FUNDC2: variants seen among roughly 807,000 people sequenced by gnomAD.
FUNDC2 encodes the protein FUN14 domain containing 2.
A neutral mutation model predicts 15.6 loss-of-function variants in FUNDC2; 4 were observed. The ratio of observed to expected loss-of-function variants is 0.26; its 90% confidence interval spans 0.13 to 0.59. The LOEUF (loss-of-function observed/expected upper bound fraction) is 0.59. Ranked by LOEUF, FUNDC2 falls within the 20% of genes least tolerant of loss-of-function variation. The pLI, the probability that FUNDC2 is intolerant of heterozygous loss-of-function variation, is 0.90. For missense variants in FUNDC2, 98 were observed against 149.7 expected (o/e 0.65, Z 1.80); for synonymous variants, 44 against 56.9 (o/e 0.77, Z 1.02).
Position 155,056,027 on chromosome X carries a change from C to G in FUNDC2, c.*1355C>G, listed in dbSNP as rs190834311. The G allele has an allele frequency of 8.9e-6, 1 of 112,200 alleles. No individual in the cohort carries two copies. Among genetic ancestry groups the G allele is most frequent in the African/African-American group, 3.2e-5 (1 of 30,902 alleles). The allele number at this position is 112,200 out of a possible 1,213,427, so 9.2% of individuals were successfully genotyped here. A position where few individuals can be genotyped will look rare whatever the true frequency, so the allele number is the denominator to read the frequency against. On this transcript the variant is annotated 3_prime_UTR_variant, in exon 5 of 5. Coordinates refer to ENST00000369498, the MANE Select transcript of FUNDC2 (RefSeq NM_023934.4). ...GAAACCACCTATTTGCGTTTTTCTC[C>G]TTACATTTAAGGAAACATAAGCCAT...
At chrX:155,044,703 A>T (rs1402823771) in intron 2 of FUNDC2, among the ~76,000 whole-genome samples, 1 of 112,318 alleles carries the variant, frequency 8.9e-6, no homozygotes, top group African/African-American at 3.2e-5. Flanking sequence ...TCAAAAAGAC[A>T]AGAGATAATT....
intron 2 of FUNDC2, among the ~76,000 whole-genome samples, chrX:155,044,608 AG>A (rs2073856787): frequency 8.9e-6 from 1 of 112,352 alleles, no homozygotes; most frequent in African/African-American, 3.2e-5. Context: ...GTATATGAAA[AG>A]ATGCTTAGCA....
At chrX:155,049,837 T>G (rs1368916260) in intron 3 of FUNDC2, 2 of 112,715 alleles carry the variant, frequency 1.8e-5, no homozygotes, top group African/African-American at 6.5e-5. Flanking sequence ...TTTAATTATT[T>G]TTTGCACCCA....
chrX:155,058,915 A>G lies in FUNDC2; in HGVS notation c.*4243A>G, dbSNP rs2073918166. On this transcript the variant is annotated 3_prime_UTR_variant, in exon 5 of 5. Coordinates refer to ENST00000369498, the MANE Select transcript of FUNDC2 (RefSeq NM_023934.4). ...CTTTTCAAAAGTGTCTACCTTTTTAAATTTTAAAATGGTAAGAAATGACAT... is the reference window on the plus strand; with the variant it reads ...CTTTTCAAAAGTGTCTACCTTTTTAGATTTTAAAATGGTAAGAAATGACAT... 9.0e-6 allele frequency: 1 copy of G among 111,473 alleles called. No individual in the cohort carries two copies. The allele number at this position is 111,473 out of a possible 1,213,427, so 9.2% of individuals were successfully genotyped here. A position where few individuals can be genotyped will look rare whatever the true frequency, so the allele number is the denominator to read the frequency against.
At position 155,055,836 on chromosome X, in the gene FUNDC2, A is replaced by G. The variant is rs1569560244; in HGVS notation, c.*1164A>G. On this transcript the variant is annotated 3_prime_UTR_variant, in exon 5 of 5. Transcript: ENST00000369498. ...CTTTATAGAAAGAAAACTCACTATT[A>G]AAGGTTAGTTTTACTCAGAATTGTT... The G allele has an allele frequency of 8.9e-6, 1 of 112,355 alleles. No homozygotes were observed. Among genetic ancestry groups the G allele is most frequent in the Non-Finnish European group, 1.9e-5 (1 of 53,379 alleles). 9.3% of individuals were successfully genotyped at this position (112,355 alleles called of 1,213,427 possible).
At position 155,054,481 on chromosome X, in the gene FUNDC2, G is replaced by A. The variant is rs782236831; in HGVS notation, c.493-114G>A. 8.8e-4 allele frequency: 1,007 copies of A among 1,144,123 alleles called. 5 individuals carry two copies. In the South Asian group the frequency reaches 0.015, roughly 17 times the overall value. The allele number at this position is 1,144,123 out of a possible 1,213,427, so 94.3% of individuals were successfully genotyped here. On this transcript the variant is annotated intron_variant, in intron 4 of 4. Transcript: ENST00000369498. The stretch of plus-strand genomic sequence containing the variant: ...GCCCTTTGGGTAAAGTGCAAATTAC[G>A]TAACCGATGAGGGGATTGACATTGT...
In FUNDC2 at chrX:155,051,764, A is replaced by G; in HGVS notation, c.455A>G (p.Asn152Ser). 1 of 1,211,409 alleles carries G rather than the reference A, an allele frequency of 8.3e-7. No individual in the cohort carries two copies. The highest frequency in any genetic ancestry group is 1.1e-6 in the Non-Finnish European group (1 of 894,876). ...AKEQLKIRKS[N>S]QIPTEVRSKA... ...GAGCAGCTGAAGATCCGTAAGAGCA[A>G]TCAGATACCTACTGAGGTCAGGAGC... The change falls in exon 4 of 5, where the codon AAT becomes AGT. Residue 152 changes from asparagine (N) to serine (S), a missense_variant. Transcript: ENST00000369498.
In FUNDC2 at chrX:155,057,399, G is replaced by T. The variant is rs1312931545; in HGVS notation, c.*2727G>T. 9.0e-6 allele frequency: 1 copy of T among 111,516 alleles called. No individual in the cohort carries two copies. The highest frequency in any genetic ancestry group is 1.9e-5 in the Non-Finnish European group (1 of 52,619). 9.2% of individuals were successfully genotyped at this position (111,516 alleles called of 1,213,427 possible). A position where few individuals can be genotyped will look rare whatever the true frequency, so the allele number is the denominator to read the frequency against. ...CTTAGCTAGGCACGTATTTTCTCCA[G>T]TAGCAGAGTCCAATGACGCTCTGGA... On this transcript the variant is annotated 3_prime_UTR_variant, in exon 5 of 5. Transcript: ENST00000369498.
chrX:155,058,272 T>A lies in FUNDC2; in HGVS notation c.*3600T>A, dbSNP rs2073915541. ...TCTTGCATAATTCTAGCCAACATGC[T>A]CTTGGGGTGGGTGCTTCTGGTTTTG... On this transcript the variant is annotated 3_prime_UTR_variant, in exon 5 of 5. Coordinates refer to ENST00000369498, the MANE Select transcript of FUNDC2 (RefSeq NM_023934.4). 1 of 111,482 alleles carries A rather than the reference T, an allele frequency of 9.0e-6. No homozygotes were observed. Among genetic ancestry groups the A allele is most frequent in the African/African-American group, 3.3e-5 (1 of 30,582 alleles). 9.2% of individuals were successfully genotyped at this position (111,482 alleles called of 1,213,427 possible). A position where few individuals can be genotyped will look rare whatever the true frequency, so the allele number is the denominator to read the frequency against.
chrX:155,045,147 T>C (rs2073858454), intron 2 of FUNDC2, among the ~76,000 whole-genome samples: 1 of 111,950 alleles, frequency 8.9e-6, no homozygotes, highest in African/African-American at 3.3e-5. Context: ...AAAAGTCATA[T>C]ATACAGTTGT....
intron 2 of FUNDC2, among the ~76,000 whole-genome samples, chrX:155,045,382 G>C (rs2073859119): frequency 8.9e-6 from 1 of 112,064 alleles, no homozygotes; most frequent in Non-Finnish European, 1.9e-5. Context: ...GTAACTATGT[G>C]AGATGATAGA....
At position 155,056,851 on chromosome X, in the gene FUNDC2, G is replaced by A. The variant is rs1296553237; in HGVS notation, c.*2179G>A. The A allele has an allele frequency of 2.7e-5, 3 of 111,715 alleles. No individual in the cohort carries two copies. The highest frequency in any genetic ancestry group is 9.5e-5 in the Admixed American group (1 of 10,559). 9.2% of individuals were successfully genotyped at this position (111,715 alleles called of 1,213,427 possible). On this transcript the variant is annotated 3_prime_UTR_variant, in exon 5 of 5. Coordinates refer to ENST00000369498, the MANE Select transcript of FUNDC2 (RefSeq NM_023934.4). ...TGTTTTTCCTGTGATTATTGGTGAG[G>A]GCAGCAAAGATTAGCAGGTGGTTGT...
intron 3 of FUNDC2, 53 bp from the exon 4 acceptor site, chrX:155,051,617 G>T (rs2073879816): frequency 1.7e-6 from 2 of 1,179,090 alleles, no homozygotes; most frequent in South Asian, 1.8e-5. Context: ...CTGACTAAAA[G>T]AAATAACAAA....
chrX:155,043,631 G>T (rs1397763296), intron 2 of FUNDC2, among the ~76,000 whole-genome samples: 1 of 112,063 alleles, frequency 8.9e-6, no homozygotes, highest in Non-Finnish European at 1.9e-5. Flanking sequence ...AAAAAGCCAG[G>T]TGTTGTAAAC....
At position 155,033,440 on chromosome X, in the gene FUNDC2, G is replaced by A. The variant is rs782782092; in HGVS notation, c.171G>A (p.Ala57=). The A allele has an allele frequency of 6.6e-6, 8 of 1,209,187 alleles. No individual in the cohort carries two copies. The highest frequency in any genetic ancestry group is 5.9e-5 in the East Asian group (2 of 33,802). The part of the protein sequence containing the change: ...FEGNFESLDL[A]EFAKKQPWWR... ...GAAATTTTGAGTCACTGGACCTTGC[G>A]GAATTTGCTAAGAAGCAGCCATGGT... The change falls in exon 2 of 5, where the codon GCG becomes GCA. Residue 57 remains alanine, a synonymous_variant. Transcript: ENST00000369498.
Position 155,054,996 on chromosome X carries a change from T to C in FUNDC2, c.*324T>C. ...AAGATGGCTGACCGTGGAGGATGAG[T>C]GGATCCTGAAAGGTTGTCCCAAACT... On this transcript the variant is annotated 3_prime_UTR_variant, in exon 5 of 5. Transcript: ENST00000369498. The C allele has an allele frequency of 3.0e-6, 1 of 329,661 alleles. No homozygotes were observed. The highest frequency in any genetic ancestry group is 1.3e-4 in the South Asian group (1 of 7,459). 27.2% of individuals were successfully genotyped at this position (329,661 alleles called of 1,213,427 possible).
chrX:155,057,392 T>G lies in FUNDC2; in HGVS notation c.*2720T>G, dbSNP rs1459118512. ...AGGCCTGCTTAGCTAGGCACGTATT[T>G]TCTCCAGTAGCAGAGTCCAATGACG... is the stretch of plus-strand genomic sequence containing the variant. On this transcript the variant is annotated 3_prime_UTR_variant, in exon 5 of 5. Transcript: ENST00000369498. 9.0e-6 allele frequency: 1 copy of G among 111,427 alleles called. No homozygotes were observed. The highest frequency in any genetic ancestry group is 9.4e-5 in the Admixed American group (1 of 10,638). The allele number at this position is 111,427 out of a possible 1,213,427, so 9.2% of individuals were successfully genotyped here.
At position 155,057,671 on chromosome X, in the gene FUNDC2, G is replaced by A. The variant is rs1372728523; in HGVS notation, c.*2999G>A. 8.9e-6 allele frequency: 1 copy of A among 111,890 alleles called. No individual in the cohort carries two copies. Among genetic ancestry groups the A allele is most frequent in the Non-Finnish European group, 1.9e-5 (1 of 53,121 alleles). The allele number at this position is 111,890 out of a possible 1,213,427, so 9.2% of individuals were successfully genotyped here. On this transcript the variant is annotated 3_prime_UTR_variant, in exon 5 of 5. Coordinates refer to ENST00000369498, the MANE Select transcript of FUNDC2 (RefSeq NM_023934.4). ...GTGTCCCGGCTCAGGGACCCCTTCT[G>A]TCCCCTTCCTGGCTACTATGGGTCG...
chrX:155,029,225 A>G (rs782029982), intron 1 of FUNDC2, among the ~76,000 whole-genome samples: 48 of 112,267 alleles, frequency 4.3e-4, no homozygotes, highest in South Asian at 1.1e-3. Flanking sequence ...GTGTGAGTGT[A>G]GAGTCTTCAG....
Sources: gnomAD v4.1 joint callset for allele counts (sites outside exome capture counted in the v4.1 genomes callset) on GRCh38, gnomAD v4.1.1 for gene constraint, MANE v1.5 for transcripts, NCBI Gene and HGNC (gene_info 2026-07-23, HGNC 2026-07-21) for gene names.